Variants in MDGA2 observed in about 807,000 individuals in gnomAD.
MDGA2 encodes the protein MAM domain containing glycosylphosphatidylinositol anchor 2.
Under a neutral mutation model 117.8 loss-of-function variants are expected in MDGA2, and 40 were observed. The observed-to-expected ratio is 0.34, with a 90% CI of 0.26 to 0.44. MDGA2 has a LOEUF of 0.44. Among genes scored for constraint, MDGA2 ranks in the 20% least tolerant of loss-of-function variants. MDGA2 has a pLI of 1.00. For missense variants in MDGA2, 1,123 were observed against 1,250.6 expected (o/e 0.90, Z 1.54); for synonymous variants, 452 against 439.0 (o/e 1.03, Z -0.37).
chr14:47,058,947 C>A, intron 7 of MDGA2: 4 of 965,640 alleles, frequency 4.1e-6, no homozygotes, highest in South Asian at 4.7e-5. Flanking sequence ...GAACAAGGGG[C>A]ATGCATTTTT....
intron 1 of MDGA2, among the ~76,000 whole-genome samples, chr14:47,317,060 C>T (rs1889830745): frequency 6.6e-6 from 1 of 152,082 alleles, no homozygotes; most frequent in Admixed American, 6.6e-5. Context: ...CACTGACCTA[C>T]ATTAGTATAT....
chr14:47,367,094 C>T (rs1016797298), intron 1 of MDGA2, among the ~76,000 whole-genome samples: 12 of 152,070 alleles, frequency 7.9e-5, no homozygotes, highest in Admixed American at 5.9e-4. Context: ...CCACTGTTAA[C>T]ATTGGCAGAG....
chr14:47,399,925 A>C (rs900962418), intron 1 of MDGA2, among the ~76,000 whole-genome samples: 4 of 152,106 alleles, frequency 2.6e-5, no homozygotes, highest in African/African-American at 9.7e-5. Flanking sequence ...GGAGTGTGGC[A>C]CTGAGAATAT....
At position 47,127,757 on chromosome 14, in the gene MDGA2, A is replaced by C. The variant is rs112250438; in HGVS notation, c.925+3957T>G. Among the ~76,000 whole-genome samples the C allele has an allele frequency of 2.6e-3, 397 of 152,214 alleles. 7 individuals carry two copies. The highest frequency in any genetic ancestry group is 8.5e-3 in the African/African-American group (352 of 41,564). ...GTATCTCTAGTACAGCACTCCTGTG[A>C]CCTCCATAGAACAGGTATTCAAAGA... On this transcript the variant is annotated intron_variant, in intron 5 of 16. Coordinates refer to ENST00000399232, the MANE Select transcript of MDGA2 (RefSeq NM_001113498.3).
chr14:47,220,537 T>A (rs1223248170), intron 2 of MDGA2, among the ~76,000 whole-genome samples: 2 of 152,128 alleles, frequency 1.3e-5, no homozygotes, highest in African/African-American at 2.4e-5. Context: ...GTGGGCCGAT[T>A]TGAAACAAAA....
intron 3 of MDGA2, among the ~76,000 whole-genome samples, chr14:47,154,336 G>GC (rs1883281477): frequency 6.6e-6 from 1 of 152,248 alleles, no homozygotes; most frequent in Non-Finnish European, 1.5e-5. Flanking sequence ...GACGACCGCA[G>GC]TGGGGGAGAT....
At chr14:47,172,501 T>G (rs977704993) in intron 3 of MDGA2, among the ~76,000 whole-genome samples, 1 of 152,180 alleles carries the variant, frequency 6.6e-6, no homozygotes, top group African/African-American at 2.4e-5. Flanking sequence ...GAAAATCTGC[T>G]GTTCTGCAGC....
At chr14:47,106,031 T>C (rs1403822607) in intron 5 of MDGA2, among the ~76,000 whole-genome samples, 2 of 152,042 alleles carry the variant, frequency 1.3e-5, no homozygotes, top group African/African-American at 4.8e-5. Flanking sequence ...TGGCTGGAGC[T>C]AAAGGAATAG....
chr14:47,405,442 T>A (rs953796752), intron 1 of MDGA2, among the ~76,000 whole-genome samples: 3 of 152,194 alleles, frequency 2.0e-5, no homozygotes, highest in Non-Finnish European at 4.4e-5. Context: ...GAATTAATCA[T>A]TCATTTCTCT....
intron 3 of MDGA2, among the ~76,000 whole-genome samples, chr14:47,198,865 GTTA>G (rs1335922508): frequency 1.1e-4 from 16 of 152,124 alleles, no homozygotes; most frequent in African/African-American, 3.9e-4. Context: ...GTACTTGGAA[GTTA>G]TTGTTTAGAT....
chr14:47,210,422 A>G (rs1885839548), intron 3 of MDGA2, among the ~76,000 whole-genome samples: 2 of 152,214 alleles, frequency 1.3e-5, no homozygotes. Context: ...CTTTAAAGTC[A>G]TATGGCCTCT....
chr14:47,586,458 G>A (rs1566527882), intron 1 of MDGA2, among the ~76,000 whole-genome samples: 1 of 151,838 alleles, frequency 6.6e-6, no homozygotes, highest in Non-Finnish European at 1.5e-5. Flanking sequence ...AGAAAGCTTA[G>A]AATAAAATAA....
chr14:47,192,315 A>G (rs137939304), intron 3 of MDGA2, among the ~76,000 whole-genome samples: 138 of 151,954 alleles, frequency 9.1e-4, no homozygotes, highest in African/African-American at 3.3e-3. Context: ...CTTTTCTAAT[A>G]CTTTGAAAGG....
At chr14:47,645,706 C>T (rs1220040273) in intron 1 of MDGA2, among the ~76,000 whole-genome samples, 2 of 151,878 alleles carry the variant, frequency 1.3e-5, no homozygotes, top group Non-Finnish European at 2.9e-5. Context: ...ATGCTTACAA[C>T]TGATCAAAAG....
intron 1 of MDGA2, among the ~76,000 whole-genome samples, chr14:47,440,325 G>C (rs1393432294): frequency 6.6e-6 from 1 of 152,088 alleles, no homozygotes; most frequent in Non-Finnish European, 1.5e-5. Flanking sequence ...ACTATTACCA[G>C]AGTTCCCCTG....
rs193088982 is a variant in MDGA2 at position 47,634,469 on chromosome 14, C to A, written c.280+40048G>T. 5.9e-5 allele frequency among the ~76,000 whole-genome samples: 9 copies of A among 152,014 alleles called. No homozygotes were observed. The East Asian group carries it at 1.7e-3, about 29-fold the overall frequency. ...TAATATGCATATTTTTATATGTGTC[C>A]ATTTAAAAAAATTCCTCAAATGTAA... On this transcript the variant is annotated intron_variant, in intron 1 of 16. Transcript: ENST00000399232.
chr14:47,267,794 T>C (rs1004897958), intron 2 of MDGA2, among the ~76,000 whole-genome samples: 2 of 152,190 alleles, frequency 1.3e-5, no homozygotes, highest in East Asian at 3.8e-4. Flanking sequence ...ATGATATAAA[T>C]GATTAATAAT....
At chr14:47,433,534 A>C (rs1250210089) in intron 1 of MDGA2, among the ~76,000 whole-genome samples, 5 of 152,180 alleles carry the variant, frequency 3.3e-5, no homozygotes, top group Non-Finnish European at 7.4e-5. Context: ...TTGATATCTT[A>C]ATGAAGATAT....
intron 7 of MDGA2, among the ~76,000 whole-genome samples, chr14:47,050,725 T>C (rs1163901870): frequency 7.2e-5 from 11 of 152,004 alleles, no homozygotes; most frequent in Admixed American, 7.2e-4. Context: ...AAGTATCATC[T>C]TGATCTGAAC....
Sources: allele counts gnomAD v4.1 joint callset (sites outside exome capture counted in the v4.1 genomes callset), GRCh38; gene constraint gnomAD v4.1.1; transcripts MANE v1.5; gene names NCBI Gene and HGNC (gene_info 2026-07-23, HGNC 2026-07-21).